Variants in ACKR3 observed in about 807,000 individuals in gnomAD.
The protein encoded by ACKR3 is atypical chemokine receptor 3.
A neutral mutation model predicts 22.4 loss-of-function variants in ACKR3; 6 were observed. The ratio of observed to expected loss-of-function variants is 0.27; its 90% CI spans 0.15 to 0.53. The LOEUF (loss-of-function observed/expected upper bound fraction) is 0.53, where lower values mean the gene tolerates loss of function less well. ACKR3 is among the 20% of genes least tolerant of loss of function. The pLI, the probability that ACKR3 is intolerant of heterozygous loss-of-function variation, is 0.96. For missense variants in ACKR3, 396 were observed against 475.2 expected (o/e 0.83, Z 1.55); for synonymous variants, 209 against 205.2 (o/e 1.02, Z -0.16).
chr2:236,543,995 A>C, the ACKR3 span, among the ~76,000 whole-genome samples: 7 of 36,678 alleles, frequency 1.9e-4, no homozygotes, highest in African/African-American at 4.4e-4. Flanking sequence ...ATATATATAC[A>C]CTTTTTTTTT....
At chr2:236,542,868 CAT>C in the ACKR3 span, among the ~76,000 whole-genome samples, 1 of 88,182 alleles carries the variant, frequency 1.1e-5, no homozygotes, top group Non-Finnish European at 1.9e-5. Flanking sequence ...CCTATTTACA[CAT>C]GTTTTGGGTT....
chr2:236,553,160 G>C, the ACKR3 span, among the ~76,000 whole-genome samples: 6 of 151,926 alleles, frequency 3.9e-5, no homozygotes, highest in African/African-American at 1.2e-4. Context: ...AGTGCACCCT[G>C]GGGGGAGGGT....
chr2:236,581,561 C>G lies in ACKR3; in HGVS notation c.*7C>G. ...GGAGCAGAGCACCAAATGATCTGCC[C>G]TGGAGAGGCTCTGGGACGGGTTTAC... On this transcript the variant is annotated 3_prime_UTR_variant, in exon 2 of 2. Coordinates refer to ENST00000272928, the MANE Select transcript of ACKR3 (RefSeq NM_020311.3). The surrounding 1 kb of genome is among the most constrained non-coding windows in gnomAD (Gnocchi z 4.4). The G allele has an allele frequency of 6.2e-7, 1 of 1,607,364 alleles. No individual in the cohort carries two copies. Among genetic ancestry groups the G allele is most frequent in the East Asian group, 2.2e-5 (1 of 44,684 alleles).
intron 1 of ACKR3, among the ~76,000 whole-genome samples, chr2:236,578,577 C>T (rs1327583990): frequency 2.6e-5 from 4 of 152,192 alleles, no homozygotes; most frequent in Admixed American, 6.5e-5. Flanking sequence ...GGTTAGGTCA[C>T]GAGGAGGGGA....
At chr2:236,566,949 GCCTTCCTT>G (rs145327612), upstream of ACKR3, among the ~76,000 whole-genome samples, 16 of 135,280 alleles carry the variant, frequency 1.2e-4, no homozygotes, top group African/African-American at 3.2e-4. Flanking sequence ...CTGCCTGCCT[GCCTTCCTT>G]CCTTCCTTCC....
chr2:236,581,024 A>G lies in ACKR3; in HGVS notation c.559A>G (p.Thr187Ala), dbSNP rs1210837833. 4.3e-6 allele frequency: 7 copies of G among 1,614,134 alleles called. No homozygotes were observed. In the South Asian group the frequency reaches 6.6e-5, roughly 15 times the overall value. Residue 187 changes from threonine to alanine, a missense_variant, in exon 2 of 2, where the codon ACG (threonine) becomes GCG (alanine). Coordinates refer to ENST00000272928, the MANE Select transcript of ACKR3 (RefSeq NM_020311.3). This position sits in a 1 kb window ranked among gnomAD's most constrained non-coding sequence, Gnocchi z 4.4. ...LPDTYYLKTV[T>A]SASNNETYCR... ...TGACACCTACTACCTGAAGACCGTC[A>G]CGTCTGCGTCCAACAATGAGACCTA...
At chr2:236,555,042 G>T in the ACKR3 span, among the ~76,000 whole-genome samples, 1 of 152,192 alleles carries the variant, frequency 6.6e-6, no homozygotes, top group Admixed American at 6.5e-5. Flanking sequence ...CCAATCAAGT[G>T]GTTGCCAAGC....
At chr2:236,557,699 C>T in the ACKR3 span, among the ~76,000 whole-genome samples, 3 of 152,146 alleles carry the variant, frequency 2.0e-5, no homozygotes, top group African/African-American at 7.2e-5. Flanking sequence ...TTTAAAGAAT[C>T]TTCCTTCAAA....
the ACKR3 span, among the ~76,000 whole-genome samples, chr2:236,561,693 T>C: frequency 6.6e-6 from 1 of 152,174 alleles, no homozygotes; most frequent in African/African-American, 2.4e-5. Context: ...GGTTTCACCA[T>C]GTTGGCCAGG....
the ACKR3 span, among the ~76,000 whole-genome samples, chr2:236,538,134 T>A: frequency 2.6e-5 from 4 of 152,168 alleles, no homozygotes; most frequent in Admixed American, 2.6e-4. Context: ...CCAGATCCTT[T>A]CCTTGGGCAG....
At chr2:236,548,262 T>G in the ACKR3 span, among the ~76,000 whole-genome samples, 2 of 152,200 alleles carry the variant, frequency 1.3e-5, no homozygotes, top group African/African-American at 4.8e-5. The surrounding 1 kb of genome is among the most constrained non-coding windows in gnomAD (Gnocchi z 4.3). Flanking sequence ...ATCAGTGGTA[T>G]TCAGGGAATG....
chr2:236,537,736 C>T, the ACKR3 span, among the ~76,000 whole-genome samples: 5 of 152,162 alleles, frequency 3.3e-5, no homozygotes, highest in African/African-American at 1.2e-4. Context: ...AGGAATTTTC[C>T]AAGAACTGGA....
chr2:236,576,208 A>G (rs1691408900), intron 1 of ACKR3, among the ~76,000 whole-genome samples: 1 of 152,202 alleles, frequency 6.6e-6, no homozygotes, highest in Non-Finnish European at 1.5e-5. Flanking sequence ...GTCTAAGTGG[A>G]TGTCTCCTTC....
At chr2:236,544,911 G>T in the ACKR3 span, among the ~76,000 whole-genome samples, 1 of 152,260 alleles carries the variant, frequency 6.6e-6, no homozygotes, top group Admixed American at 6.5e-5. This position sits in a 1 kb window ranked among gnomAD's most constrained non-coding sequence, Gnocchi z 5.0. Context: ...TTGTTGGTTT[G>T]CTTTTAATTG....
At chr2:236,570,504 G>A (rs1017282156) in intron 1 of ACKR3, among the ~76,000 whole-genome samples, 2 of 152,126 alleles carry the variant, frequency 1.3e-5, no homozygotes, top group African/African-American at 2.4e-5. Context: ...CTGTAAGTCC[G>A]GAAGCTATAA....
rs200840916 is a variant in ACKR3, at chr2:236,580,695, A to G, written c.230A>G (p.Tyr77Cys). 49 of 1,614,120 alleles carry G rather than the reference A, an allele frequency of 3.0e-5. No homozygotes were observed. The highest frequency in any genetic ancestry group is 7.7e-5 in the South Asian group (7 of 91,072). Residue 77 changes from tyrosine to cysteine, a missense_variant, in exon 2 of 2, where the codon TAT (tyrosine) becomes TGT (cysteine). By Grantham distance (194) the Tyr-to-Cys change is radical. Coordinates refer to ENST00000272928, the MANE Select transcript of ACKR3 (RefSeq NM_020311.3). The stretch of plus-strand genomic sequence containing the variant: ...AATATCCAGGCCAAGACCACAGGCT[A>G]TGACACGCACTGCTACATCTTGAAC... ...WVNIQAKTTG[Y>C]DTHCYILNLA...
upstream of ACKR3, among the ~76,000 whole-genome samples, chr2:236,564,486 C>A (rs1292110967): frequency 2.6e-5 from 4 of 152,136 alleles, no homozygotes; most frequent in African/African-American, 7.2e-5. Flanking sequence ...GCAACAGGGG[C>A]AAACTCAGGG....
chr2:236,541,952 C>CT, the ACKR3 span, among the ~76,000 whole-genome samples: 8 of 150,768 alleles, frequency 5.3e-5, no homozygotes, highest in South Asian at 4.2e-4. Flanking sequence ...TATTAAACCT[C>CT]TTTTTTTTTT....
chr2:236,555,356 G>C, the ACKR3 span, among the ~76,000 whole-genome samples: 2 of 152,160 alleles, frequency 1.3e-5, no homozygotes, highest in Admixed American at 6.5e-5. Flanking sequence ...TCAAAAACTT[G>C]CTCCAGCTGC....
Sources: gnomAD v4.1 joint callset for allele counts (sites outside exome capture counted in the v4.1 genomes callset) on GRCh38, gnomAD v4.1.1 for gene constraint, Gnocchi (gnomAD v3.1) non-coding constraint, MANE v1.5 for transcripts, NCBI Gene and HGNC (gene_info 2026-07-23, HGNC 2026-07-21) for gene names.